RPS6KC1: variants seen among roughly 807,000 people sequenced by gnomAD.
RPS6KC1 encodes the protein inactive ribosomal protein S6 kinase delta-1.
In RPS6KC1, 54 loss-of-function variants were observed where a neutral mutation model predicts 103.8. The ratio of observed to expected loss-of-function variants is 0.52; its 90% CI spans 0.42 to 0.65. RPS6KC1 has a LOEUF of 0.65. RPS6KC1 is among the 30% of genes least tolerant of loss of function. The pLI is 0.00. For synonymous variants in RPS6KC1, 439 were observed against 438.7 expected, an observed-to-expected ratio of 1.00 and a Z score of -0.01; for missense variants, 1,151 against 1,253.8, an observed-to-expected ratio of 0.92 and a Z score of 1.24.
the RPS6KC1 span, among the ~76,000 whole-genome samples, chr1:213,618,042 C>T: frequency 6.6e-6 from 1 of 152,302 alleles, no homozygotes; most frequent in African/African-American, 2.4e-5. Context: ...TCATTTATGG[C>T]ATTTCATCAA....
chr1:213,397,544 G>C, the RPS6KC1 span, among the ~76,000 whole-genome samples: 1 of 150,632 alleles, frequency 6.6e-6, no homozygotes, highest in Non-Finnish European at 1.5e-5. Flanking sequence ...TGGGGAATCT[G>C]GGGTGTGAGG....
intron 14 of RPS6KC1, among the ~76,000 whole-genome samples, chr1:213,270,386 T>C (rs536818794): frequency 6.6e-6 from 1 of 152,344 alleles, no homozygotes; most frequent in East Asian, 1.9e-4. Context: ...AAGTATTAGA[T>C]GTGATACCAA....
the RPS6KC1 span, among the ~76,000 whole-genome samples, chr1:213,852,267 C>A: frequency 6.6e-6 from 1 of 152,232 alleles, no homozygotes; most frequent in African/African-American, 2.4e-5. Context: ...CTGCTCTAGA[C>A]CTTTCCCTTG....
the RPS6KC1 span, among the ~76,000 whole-genome samples, chr1:213,846,035 G>A: frequency 3.3e-5 from 5 of 151,146 alleles, no homozygotes; most frequent in South Asian, 2.1e-4. Flanking sequence ...GCTCACACCC[G>A]TAATCCCAGC....
the RPS6KC1 span, among the ~76,000 whole-genome samples, chr1:213,477,347 C>T: frequency 6.7e-6 from 1 of 149,798 alleles, no homozygotes; most frequent in South Asian, 2.1e-4. Context: ...CTGTTATACC[C>T]TTATTTTTTT....
chr1:213,143,269 TA>T (rs2149102892), intron 6 of RPS6KC1, among the ~76,000 whole-genome samples: 1 of 152,164 alleles, frequency 6.6e-6, no homozygotes, highest in East Asian at 1.9e-4. Context: ...AGGTGAAATT[TA>T]ATTGTAGAAG....
chr1:213,429,256 T>A, the RPS6KC1 span, among the ~76,000 whole-genome samples: 1 of 152,136 alleles, frequency 6.6e-6, no homozygotes, highest in Non-Finnish European at 1.5e-5. Context: ...GCTCAAGTGA[T>A]CCTCCCACCT....
At chr1:213,501,323 G>A in the RPS6KC1 span, among the ~76,000 whole-genome samples, 1 of 152,134 alleles carries the variant, frequency 6.6e-6, no homozygotes, top group African/African-American at 2.4e-5. Context: ...AAATTTGATT[G>A]CCATTTAGAG....
At chr1:213,221,069 A>T (rs1035126677) in intron 8 of RPS6KC1, among the ~76,000 whole-genome samples, 1 of 152,234 alleles carries the variant, frequency 6.6e-6, no homozygotes, top group East Asian at 1.9e-4. Context: ...TTATGACTCC[A>T]TAAAAAATAC....
chr1:213,801,910 CTG>C, the RPS6KC1 span, among the ~76,000 whole-genome samples: 2 of 152,186 alleles, frequency 1.3e-5, no homozygotes, highest in African/African-American at 2.4e-5. Flanking sequence ...TCAAATGGCA[CTG>C]TCTTACCAAA....
chr1:213,253,260 T>G (rs2094576376), intron 12 of RPS6KC1, among the ~76,000 whole-genome samples: 2 of 152,094 alleles, frequency 1.3e-5, no homozygotes, highest in Admixed American at 1.3e-4. Context: ...AAAGGTAAAG[T>G]GAAGAATGAG....
At chr1:213,149,882 T>G (rs1299966678) in intron 6 of RPS6KC1, among the ~76,000 whole-genome samples, 1 of 152,256 alleles carries the variant, frequency 6.6e-6, no homozygotes, top group Non-Finnish European at 1.5e-5. Context: ...AATTGACCCC[T>G]TTATCATTAT....
the RPS6KC1 span, among the ~76,000 whole-genome samples, chr1:213,390,187 C>G: frequency 5.3e-5 from 8 of 152,166 alleles, no homozygotes; most frequent in African/African-American, 1.9e-4. Context: ...ACATCTCTCC[C>G]CCACCCCAGT....
At chr1:213,822,768 T>C in the RPS6KC1 span, among the ~76,000 whole-genome samples, 3 of 152,252 alleles carry the variant, frequency 2.0e-5, no homozygotes, top group East Asian at 5.8e-4. Flanking sequence ...TAAGTTCTTT[T>C]AGCTCTAACC....
chr1:213,291,476 G>A, the RPS6KC1 span, among the ~76,000 whole-genome samples: 1 of 152,162 alleles, frequency 6.6e-6, no homozygotes, highest in Non-Finnish European at 1.5e-5. Flanking sequence ...TTCTATCCTT[G>A]GATCCTTAAA....
intron 2 of RPS6KC1, chr1:213,072,884 CA>C: frequency 8.3e-6 from 8 of 967,964 alleles, no homozygotes; most frequent in Non-Finnish European, 9.8e-6. Flanking sequence ...AATCCTGAAC[CA>C]ACCTATCCAT....
chr1:213,073,537 C>T (rs1225418939), intron 2 of RPS6KC1, among the ~76,000 whole-genome samples: 1 of 152,098 alleles, frequency 6.6e-6, no homozygotes, highest in Non-Finnish European at 1.5e-5. Context: ...ACCTGTTTCT[C>T]TCTACAGGTA....
the RPS6KC1 span, among the ~76,000 whole-genome samples, chr1:213,728,617 A>C: frequency 1.3e-5 from 2 of 152,114 alleles, no homozygotes; most frequent in African/African-American, 4.8e-5. Flanking sequence ...GCAAGAGCGA[A>C]CATCACCCAT....
chr1:213,620,744 A>C, the RPS6KC1 span, among the ~76,000 whole-genome samples: 1 of 152,244 alleles, frequency 6.6e-6, no homozygotes, highest in African/African-American at 2.4e-5. Context: ...AGTATGGTTA[A>C]GTAATTTCCC....
Sources: gnomAD v4.1 joint callset for allele counts (sites outside exome capture counted in the v4.1 genomes callset) on GRCh38, gnomAD v4.1.1 for gene constraint, MANE v1.5 for transcripts, NCBI Gene and HGNC (gene_info 2026-07-23, HGNC 2026-07-21) for gene names.